The following PDE11A variants were observed in gnomAD, a reference collection of about 807,000 sequenced individuals.
PDE11A encodes the protein dual 3',5'-cyclic-AMP and -GMP phosphodiesterase 11A.
Under a neutral mutation model 100.5 loss-of-function variants are expected in PDE11A, and 100 were observed. The observed-to-expected ratio is 1.00, with a 90% confidence interval of 0.85 to 1.18. The LOEUF is 1.18. PDE11A is among the 50% of genes most tolerant of loss of function. The pLI, the probability that PDE11A is intolerant of heterozygous loss-of-function variation, is 0.00. For synonymous variants in PDE11A, 381 were observed against 420.8 expected (o/e 0.91, Z 1.16); for missense variants, 1,141 against 1,152.6 (o/e 0.99, Z 0.15).
rs539586032 is a variant in PDE11A at position 177,950,995 on chromosome 2, G to T, written c.1072-45808C>A. 2.6e-5 allele frequency among the ~76,000 whole-genome samples: 4 copies of T among 152,270 alleles called. No homozygotes were observed. In the East Asian group the frequency reaches 7.7e-4, roughly 29 times the overall value. ...TTAATATTCTGTTTTTACAGATGAA[G>T]AAACTGTGATATAGACAATTAACAT... On this transcript the variant is annotated intron_variant, in intron 2 of 19. Transcript: ENST00000286063.
At chr2:177,959,492 T>TA (rs1464858827) in intron 2 of PDE11A, among the ~76,000 whole-genome samples, 2 of 152,190 alleles carry the variant, frequency 1.3e-5, no homozygotes, top group African/African-American at 4.8e-5. Flanking sequence ...GCTATACCAA[T>TA]AGTCCAGACA....
chr2:178,015,399 TA>T lies in PDE11A; in HGVS notation c.913-940del, dbSNP rs1055686837. On this transcript the variant is annotated intron_variant, in intron 1 of 19. Coordinates refer to ENST00000286063, the MANE Select transcript of PDE11A (RefSeq NM_016953.4). ...TATCAGAAACCTAACGCTGGATGCT[TA>T]AAAAATGTCAAGATCATGAAAGACA... Among the ~76,000 whole-genome samples, 13 of 152,124 alleles carry T rather than the reference TA, an allele frequency of 8.5e-5. No homozygotes were observed. The South Asian group carries it at 2.1e-3, about 24-fold the overall frequency.
intron 5 of PDE11A, among the ~76,000 whole-genome samples, chr2:177,851,687 C>A (rs1574214831): frequency 1.3e-5 from 2 of 152,276 alleles, no homozygotes; most frequent in South Asian, 4.1e-4. Flanking sequence ...AGCTTTGTAT[C>A]CCAAACTACA....
At chr2:178,015,053 C>T (rs939926183) in intron 1 of PDE11A, among the ~76,000 whole-genome samples, 1 of 152,112 alleles carries the variant, frequency 6.6e-6, no homozygotes, top group African/African-American at 2.4e-5. Flanking sequence ...AAGCAAGGGT[C>T]ATTAAGTATG....
intron 2 of PDE11A, among the ~76,000 whole-genome samples, chr2:177,986,623 A>C (rs939101339): frequency 6.6e-6 from 1 of 152,070 alleles, no homozygotes; most frequent in Non-Finnish European, 1.5e-5. Flanking sequence ...CGAGGTCAAG[A>C]GTTTGAGACC....
intron 2 of PDE11A, among the ~76,000 whole-genome samples, chr2:177,964,303 A>G (rs142898047): frequency 3.3e-5 from 5 of 152,106 alleles, no homozygotes; most frequent in African/African-American, 4.8e-5. Context: ...ACACATATCT[A>G]TTTCTCCGAG....
chr2:177,889,665 T>C (rs1402557393), intron 4 of PDE11A, among the ~76,000 whole-genome samples: 3 of 150,864 alleles, frequency 2.0e-5, no homozygotes, highest in South Asian at 2.1e-4. Context: ...TATTATTTCT[T>C]CTTGTTTTTA....
intron 4 of PDE11A, among the ~76,000 whole-genome samples, chr2:177,887,949 T>C (rs747882057): frequency 2.0e-5 from 3 of 151,940 alleles, no homozygotes; most frequent in Non-Finnish European, 2.9e-5. Context: ...CCTGGGTCCC[T>C]GATCACATCA....
chr2:177,808,244 T>C (rs1039474335), intron 9 of PDE11A, among the ~76,000 whole-genome samples: 1 of 152,238 alleles, frequency 6.6e-6, no homozygotes, highest in African/African-American at 2.4e-5. Context: ...CTGTATCTAC[T>C]GGTGTGCTAC....
At chr2:177,811,157 A>G (rs1222964397) in intron 9 of PDE11A, among the ~76,000 whole-genome samples, 1 of 151,892 alleles carries the variant, frequency 6.6e-6, no homozygotes, top group African/African-American at 2.4e-5. Flanking sequence ...TTTTTATTTT[A>G]TTTTTCTCTG....
At chr2:177,686,953 G>T (rs2080961329) in intron 15 of PDE11A, 1 of 151,962 alleles carries the variant, frequency 6.6e-6, no homozygotes, top group East Asian at 1.9e-4. Flanking sequence ...CTGACCTCAG[G>T]TAATCCACTC....
chr2:178,053,992 C>T (rs2086864842), intron 1 of PDE11A, among the ~76,000 whole-genome samples: 1 of 152,142 alleles, frequency 6.6e-6, no homozygotes, highest in Admixed American at 6.5e-5. Context: ...ACTTTCTTCA[C>T]AGAATTGGAA....
chr2:177,757,686 T>C (rs1226443548), intron 10 of PDE11A, among the ~76,000 whole-genome samples: 8 of 152,228 alleles, frequency 5.3e-5, no homozygotes, highest in Non-Finnish European at 8.8e-5. Context: ...GGTGTGGATT[T>C]GATTATAGTG....
At chr2:177,643,837 C>G (rs1183935748) in intron 19 of PDE11A, among the ~76,000 whole-genome samples, 1 of 152,232 alleles carries the variant, frequency 6.6e-6, no homozygotes, top group African/African-American at 2.4e-5. Context: ...GCATCCCAGC[C>G]ACTCTAGCCA....
At chr2:177,703,197 T>C (rs1225778712) in intron 13 of PDE11A, among the ~76,000 whole-genome samples, 1 of 152,122 alleles carries the variant, frequency 6.6e-6, no homozygotes, top group East Asian at 1.9e-4. Flanking sequence ...TTTATAATAC[T>C]AATATTATTA....
chr2:177,891,770 A>G (rs965455905), intron 4 of PDE11A, among the ~76,000 whole-genome samples: 1 of 152,130 alleles, frequency 6.6e-6, no homozygotes, highest in Non-Finnish European at 1.5e-5. Flanking sequence ...CTCATTCTTT[A>G]TATGTATTGT....
At chr2:177,838,475 T>A (rs1027107778) in intron 6 of PDE11A, among the ~76,000 whole-genome samples, 10 of 152,236 alleles carry the variant, frequency 6.6e-5, no homozygotes, top group Non-Finnish European at 1.2e-4. Context: ...CTTTTTAGTA[T>A]TTAGTCTATC....
intron 5 of PDE11A, among the ~76,000 whole-genome samples, chr2:177,852,005 G>C (rs535801614): frequency 2.6e-5 from 4 of 152,144 alleles, no homozygotes; most frequent in Non-Finnish European, 5.9e-5. Context: ...GCCATATTTG[G>C]TTTCCCATAC....
rs1235966281 is a variant in PDE11A, at chr2:177,624,314, T to A, written c.*5093A>T. On this transcript the variant is annotated 3_prime_UTR_variant, in exon 20 of 20. Coordinates refer to ENST00000286063, the MANE Select transcript of PDE11A (RefSeq NM_016953.4). ...TCTTTATATTTAAATCTTTCCCTAG[T>A]ATGTCTAGGTTTCTGTCCCACTGGA... 2 of 151,620 alleles carry A rather than the reference T, an allele frequency of 1.3e-5. No homozygotes were observed. The highest frequency in any genetic ancestry group is 4.8e-5 in the African/African-American group (2 of 41,336). The allele number at this position is 151,620 out of a possible 1,614,324, so 9.4% of individuals were successfully genotyped here. A position where few individuals can be genotyped will look rare whatever the true frequency, so the allele number is the denominator to read the frequency against.
Sources: allele counts gnomAD v4.1 joint callset (sites outside exome capture counted in the v4.1 genomes callset), GRCh38; gene constraint gnomAD v4.1.1; transcripts MANE v1.5; gene names NCBI Gene and HGNC (gene_info 2026-07-23, HGNC 2026-07-21).